The following FNDC3A variants were observed in gnomAD, a reference collection of about 807,000 sequenced individuals.
FNDC3A encodes the protein fibronectin type III domain containing 3A.
In FNDC3A, 32 loss-of-function variants were observed where a neutral mutation model predicts 148.9. The observed-to-expected ratio is 0.21, with a 90% CI of 0.16 to 0.29. FNDC3A has a LOEUF of 0.29. FNDC3A is among the 10% of genes least tolerant of loss of function. FNDC3A has a pLI of 1.00. For synonymous variants in FNDC3A, 472 were observed against 473.6 expected, an observed-to-expected ratio of 1.00 and a Z score of 0.04; for missense variants, 1,191 against 1,452.8, an observed-to-expected ratio of 0.82 and a Z score of 2.93.
chr13:49,090,751 C>T (rs181043686), intron 3 of FNDC3A, among the ~76,000 whole-genome samples: 386 of 152,280 alleles, frequency 2.5e-3, no homozygotes, highest in Non-Finnish European at 3.7e-3. Context: ...CCTGTAATCA[C>T]GACACTTTGG....
chr13:49,022,782 T>A (rs966224648), intron 2 of FNDC3A, among the ~76,000 whole-genome samples: 2 of 152,000 alleles, frequency 1.3e-5, no homozygotes, highest in African/African-American at 4.8e-5. Context: ...ATTACTCTCC[T>A]TTTTCAATTA....
chr13:49,057,502 T>C (rs923147937), intron 2 of FNDC3A, among the ~76,000 whole-genome samples: 1 of 152,184 alleles, frequency 6.6e-6, no homozygotes, highest in African/African-American at 2.4e-5. Context: ...CTCTTTGTTC[T>C]TAGCTCTTTT....
intron 1 of FNDC3A, among the ~76,000 whole-genome samples, chr13:48,977,727 C>T (rs545906017): frequency 1.3e-5 from 2 of 152,214 alleles, no homozygotes; most frequent in East Asian, 3.9e-4. Flanking sequence ...TCTAATCACA[C>T]CAGTTAGTGG....
chr13:49,005,496 A>G (rs1306714299), intron 1 of FNDC3A, among the ~76,000 whole-genome samples: 3 of 134,514 alleles, frequency 2.2e-5, no homozygotes, highest in African/African-American at 8.1e-5. Context: ...TTGTAAATAT[A>G]TGTTTTTTTG....
At chr13:49,166,653 C>T (rs1884478513) in intron 8 of FNDC3A, among the ~76,000 whole-genome samples, 1 of 152,114 alleles carries the variant, frequency 6.6e-6, no homozygotes, top group African/African-American at 2.4e-5. Flanking sequence ...ATGTGTACCA[C>T]TGGGGGTCAC....
chr13:49,110,288 C>T lies in FNDC3A; in HGVS notation c.176-4367C>T. The T allele has an allele frequency of 3.3e-6, 5 of 1,507,198 alleles. 1 individual carries two copies. The East Asian group carries it at 7.1e-5, about 21-fold the overall frequency. 93.4% of individuals were successfully genotyped at this position (1,507,198 alleles called of 1,614,324 possible). ...TGACTCGGTCAAAGGATCTTTTCCTCTTACAGCCTTGCAAAAAAAAAAAAA... is the reference window on the plus strand; with the variant it reads ...TGACTCGGTCAAAGGATCTTTTCCTTTTACAGCCTTGCAAAAAAAAAAAAA... On this transcript the variant is annotated intron_variant, in intron 3 of 25. Transcript: ENST00000492622.
intron 2 of FNDC3A, among the ~76,000 whole-genome samples, chr13:49,071,155 C>T (rs750246095): frequency 2.9e-4 from 43 of 150,510 alleles, no homozygotes; most frequent in Non-Finnish European, 1.2e-4. Flanking sequence ...CCACCTCAGC[C>T]TCCCAAAGTG....
At chr13:49,114,563 A>T in intron 3 of FNDC3A, 92 bp from the exon 4 acceptor site, 1 of 809,850 alleles carries the variant, frequency 1.2e-6, no homozygotes. Flanking sequence ...TTGAGTGTTT[A>T]GATGAAGTAT....
chr13:49,108,652 CT>C (rs1240625713), intron 3 of FNDC3A, among the ~76,000 whole-genome samples: 13 of 152,238 alleles, frequency 8.5e-5, no homozygotes, highest in African/African-American at 2.9e-4. Context: ...GAAATACAGG[CT>C]GTGTGCAAAT....
chr13:49,012,979 G>T (rs965933637), intron 2 of FNDC3A, among the ~76,000 whole-genome samples: 1 of 151,996 alleles, frequency 6.6e-6, no homozygotes. Context: ...ATATTATTAA[G>T]CATGATGTTT....
intron 2 of FNDC3A, among the ~76,000 whole-genome samples, chr13:49,049,745 A>T (rs1875694688): frequency 1.3e-5 from 2 of 150,556 alleles, no homozygotes; most frequent in South Asian, 4.2e-4. Flanking sequence ...TTTGAGATGG[A>T]GTCTTGCTCT....
intron 1 of FNDC3A, among the ~76,000 whole-genome samples, chr13:48,989,183 A>C (rs553955419): frequency 6.6e-6 from 1 of 152,340 alleles, no homozygotes; most frequent in African/African-American, 2.4e-5. Flanking sequence ...TCGTAAAAGC[A>C]AGTCCCAAAG....
chr13:48,978,477 ATTT>A (rs749264199), intron 1 of FNDC3A, among the ~76,000 whole-genome samples: 19 of 152,012 alleles, frequency 1.2e-4, no homozygotes, highest in Non-Finnish European at 1.5e-4. Flanking sequence ...ATCTGCCAGT[ATTT>A]TTAAAATACA....
chr13:48,991,441 C>G (rs1373086671), intron 1 of FNDC3A, among the ~76,000 whole-genome samples: 1 of 152,046 alleles, frequency 6.6e-6, no homozygotes, highest in African/African-American at 2.4e-5. Context: ...AATCCCAGCT[C>G]TTTGGGAGGC....
chr13:49,049,885 A>G (rs1246758230), intron 2 of FNDC3A, among the ~76,000 whole-genome samples: 1 of 151,620 alleles, frequency 6.6e-6, no homozygotes, highest in African/African-American at 2.4e-5. Context: ...ATGCCCGGCT[A>G]ATTTTTGTTT....
intron 2 of FNDC3A, among the ~76,000 whole-genome samples, chr13:49,010,589 T>TCTATATATATAGCTA (rs1349587186): frequency 6.6e-6 from 1 of 152,174 alleles, no homozygotes; most frequent in Non-Finnish European, 1.5e-5. Context: ...AAAACCTGTT[T>TCTATATATATAGCTA]TAAATCATGA....
chr13:49,144,082 A>G (rs1882856624), intron 7 of FNDC3A, among the ~76,000 whole-genome samples: 1 of 151,600 alleles, frequency 6.6e-6, no homozygotes, highest in Non-Finnish European at 1.5e-5. Flanking sequence ...CTTTTGACTG[A>G]CCCACCTTCA....
At chr13:49,011,365 C>T (rs1003806779) in intron 2 of FNDC3A, among the ~76,000 whole-genome samples, 13 of 152,146 alleles carry the variant, frequency 8.5e-5, no homozygotes, top group African/African-American at 2.4e-4. Flanking sequence ...TCCCAAGTGG[C>T]GGAGATCACA....
chr13:48,995,060 T>C (rs147290341), intron 1 of FNDC3A, among the ~76,000 whole-genome samples: 6 of 152,134 alleles, frequency 3.9e-5, no homozygotes, highest in Admixed American at 1.3e-4. Context: ...TGAGAAAATA[T>C]TTTCCAATTA....
Sources: gnomAD v4.1 joint callset for allele counts (sites outside exome capture counted in the v4.1 genomes callset) on GRCh38, gnomAD v4.1.1 for gene constraint, MANE v1.5 for transcripts, NCBI Gene and HGNC (gene_info 2026-07-23, HGNC 2026-07-21) for gene names.